BCAR3: variants seen among roughly 807,000 people sequenced by gnomAD.
BCAR3 encodes BCAR3 adaptor protein, NSP family member, also known as breast cancer anti-estrogen resistance protein 3.
In BCAR3, 37 loss-of-function variants were observed where a neutral mutation model predicts 80.1. The ratio of observed to expected loss-of-function variants is 0.46; its 90% CI spans 0.36 to 0.61. BCAR3 has a LOEUF of 0.61. Ranked by LOEUF, BCAR3 falls within the 20% of genes least tolerant of loss-of-function variation. The pLI is 0.00. For missense variants in BCAR3, 978 were observed against 1,068.2 expected (o/e 0.92, Z 1.18); for synonymous variants, 389 against 418.9 (o/e 0.93, Z 0.87).
chr1:93,625,948 T>C (rs912999718), intron 3 of BCAR3, among the ~76,000 whole-genome samples: 2 of 152,236 alleles, frequency 1.3e-5, no homozygotes, highest in Admixed American at 6.5e-5. Flanking sequence ...TACACTTGCA[T>C]ACTCAGGCAG....
At chr1:93,714,202 C>T (rs980777274) in intron 2 of BCAR3, among the ~76,000 whole-genome samples, 6 of 152,148 alleles carry the variant, frequency 3.9e-5, no homozygotes, top group African/African-American at 1.4e-4. Context: ...AGGATGGTCT[C>T]GATCTCCTGA....
intron 1 of BCAR3, 26 bp from the exon 2 acceptor site, chr1:93,674,967 G>A (rs764576221): frequency 7.4e-6 from 11 of 1,491,530 alleles, no homozygotes; most frequent in Admixed American, 7.3e-5. Context: ...AAGAGTGAAG[G>A]TATAAATCTA....
chr1:93,722,117 G>T (rs1279083162), intron 2 of BCAR3, among the ~76,000 whole-genome samples: 1 of 152,200 alleles, frequency 6.6e-6, no homozygotes, highest in African/African-American at 2.4e-5. Context: ...CAGGTCCCAT[G>T]GGGGAGGGGC....
At chr1:93,587,335 C>T (rs908435107) in intron 5 of BCAR3, among the ~76,000 whole-genome samples, 2 of 152,186 alleles carry the variant, frequency 1.3e-5, no homozygotes, top group African/African-American at 2.4e-5. Flanking sequence ...CTGAGTCTGA[C>T]ATTCTACTCT....
At chr1:93,768,261 GTGTGTGTT>G (rs58308212) in intron 2 of BCAR3, among the ~76,000 whole-genome samples, 15,075 of 143,580 alleles carry the variant, frequency 0.1, 943 homozygotes, top group African/African-American at 0.19. Flanking sequence ...GAGTGAATGT[GTGTGTGTT>G]TGTGTGTGTG....
intron 2 of BCAR3, among the ~76,000 whole-genome samples, chr1:93,830,555 C>T (rs1312936557): frequency 6.6e-6 from 1 of 152,014 alleles, no homozygotes; most frequent in Admixed American, 6.6e-5. Context: ...ATCCCCGCCC[C>T]TGCCTCCAAG....
At chr1:93,663,846 TTA>T (rs749546061) in intron 2 of BCAR3, among the ~76,000 whole-genome samples, 1 of 152,234 alleles carries the variant, frequency 6.6e-6, no homozygotes, top group Non-Finnish European at 1.5e-5. Flanking sequence ...ATTCACATCC[TTA>T]AACAGAAGAG....
intron 2 of BCAR3, among the ~76,000 whole-genome samples, chr1:93,710,783 A>AC (rs1229410183): frequency 6.6e-6 from 1 of 152,004 alleles, no homozygotes; most frequent in Admixed American, 6.6e-5. Flanking sequence ...ATAACAAATT[A>AC]CCCCCAAACC....
At chr1:93,801,633 C>T (rs1245583690) in intron 2 of BCAR3, among the ~76,000 whole-genome samples, 1 of 152,168 alleles carries the variant, frequency 6.6e-6, no homozygotes, top group Non-Finnish European at 1.5e-5. Flanking sequence ...AGTTCTCAAG[C>T]TTTTGCTTGG....
rs1192058772 is a variant in BCAR3, at chr1:93,592,803, G to C, written c.358-410C>G. On this transcript the variant is annotated intron_variant, in intron 3 of 11. Coordinates refer to ENST00000260502, the MANE Select transcript of BCAR3 (RefSeq NM_003567.4). This position sits in a 1 kb window ranked among gnomAD's most constrained non-coding sequence, Gnocchi z 4.8. ...TGTTCCCTTCTGGCCTTAGATCCTGGGCCTCTGGGCAGTGAGGCCCAAAGC... is the reference window on the plus strand; with the variant it reads ...TGTTCCCTTCTGGCCTTAGATCCTGCGCCTCTGGGCAGTGAGGCCCAAAGC... Among the ~76,000 whole-genome samples the C allele has an allele frequency of 6.6e-6, 1 of 152,178 alleles. No individual in the cohort carries two copies. Among genetic ancestry groups the C allele is most frequent in the Non-Finnish European group, 1.5e-5 (1 of 68,030 alleles).
Position 93,576,226 on chromosome 1 carries a change from C to T in BCAR3, c.1687-97G>A, listed in dbSNP as rs1271095003. 29 of 749,238 alleles carry T rather than the reference C, an allele frequency of 3.9e-5. No homozygotes were observed. The Admixed American group carries it at 5.1e-4, about 13-fold the overall frequency. The allele number at this position is 749,238 out of a possible 1,614,324, so 46.4% of individuals were successfully genotyped here. On this transcript the variant is annotated intron_variant, in intron 7 of 11. Coordinates refer to ENST00000260502, the MANE Select transcript of BCAR3 (RefSeq NM_003567.4). The stretch of plus-strand genomic sequence containing the variant: ...GAAGAAACACACTGAACTACGATGG[C>T]GTGGACACTTTATGAGTTACATTTC...
intron 11 of BCAR3, among the ~76,000 whole-genome samples, chr1:93,564,886 T>A (rs1672879181): frequency 6.6e-6 from 1 of 152,218 alleles, no homozygotes; most frequent in Admixed American, 6.5e-5. Context: ...AGGCCAAAGA[T>A]GTTCAGGCAA....
At position 93,573,617 on chromosome 1, in the gene BCAR3, T is replaced by TGG. The variant is rs1557838249; in HGVS notation, c.1803-1777_1803-1776insCC. On this transcript the variant is annotated intron_variant, in intron 8 of 11. Transcript: ENST00000260502. ...TAGACCTAAAATATATTTTTATTAT[T>TGG]ATTATTATTATTATTATTTTTTTTT... is the stretch of plus-strand genomic sequence containing the variant. 1.4e-4 allele frequency among the ~76,000 whole-genome samples: 20 copies of TGG among 139,656 alleles called. 1 individual carries two copies. Among genetic ancestry groups the TGG allele is most frequent in the African/African-American group, 5.6e-4 (20 of 35,826 alleles). 91.6% of individuals were successfully genotyped at this position (139,656 alleles called of 152,430 possible). A position where few individuals can be genotyped will look rare whatever the true frequency, so the allele number is the denominator to read the frequency against.
intron 3 of BCAR3, among the ~76,000 whole-genome samples, chr1:93,700,831 C>T (rs781764993): frequency 2.6e-5 from 4 of 152,232 alleles, no homozygotes; most frequent in Admixed American, 6.5e-5. Flanking sequence ...AGGGTTTTGA[C>T]TCAGGCCTTT....
Position 93,758,281 on chromosome 1 carries a change from G to A in BCAR3, c.-62-52139C>T, listed in dbSNP as rs144279878. 1.6e-3 allele frequency among the ~76,000 whole-genome samples: 243 copies of A among 152,334 alleles called. 2 individuals carry two copies. In the South Asian group the frequency reaches 0.026, roughly 16 times the overall value. On this transcript the variant is annotated intron_variant, in intron 2 of 13. Transcript: ENST00000370244. ...CTGGTCTGCACTGCTCTAGGTCAAC[G>A]CCTTGGCCTGATCCATCAGGATACA... is the stretch of plus-strand genomic sequence containing the variant.
At chr1:93,579,880 C>T (rs977681441) in intron 7 of BCAR3, among the ~76,000 whole-genome samples, 2 of 152,248 alleles carry the variant, frequency 1.3e-5, no homozygotes, top group African/African-American at 2.4e-5. Context: ...CTGACTAGAA[C>T]AGAAATCCTC....
chr1:93,836,364 C>A (rs987822085), intron 2 of BCAR3, among the ~76,000 whole-genome samples: 3 of 152,176 alleles, frequency 2.0e-5, no homozygotes, highest in Non-Finnish European at 4.4e-5. Context: ...AATTCTTAGT[C>A]CTTTAATACC....
At chr1:93,748,046 C>A (rs1464875999) in intron 2 of BCAR3, among the ~76,000 whole-genome samples, 1 of 152,212 alleles carries the variant, frequency 6.6e-6, no homozygotes, top group Non-Finnish European at 1.5e-5. Flanking sequence ...AGCCCTGGAT[C>A]TAATGTCCCT....
In BCAR3 at chr1:93,826,890, T is replaced by C. The variant is rs60455239; in HGVS notation, c.-63+18677A>G. ...CAGGGGTTCCTGTTCAGGCTAAGCA[T>C]GTGCATGTGCAAAACCTCCCCAGGG... is the stretch of plus-strand genomic sequence containing the variant. On this transcript the variant is annotated intron_variant, in intron 2 of 13. Transcript: ENST00000370244. Among the ~76,000 whole-genome samples, 392 of 152,148 alleles carry C rather than the reference T, an allele frequency of 2.6e-3. 1 individual carries two copies. The highest frequency in any genetic ancestry group is 8.9e-3 in the African/African-American group (369 of 41,516).
Sources: allele counts gnomAD v4.1 joint callset (sites outside exome capture counted in the v4.1 genomes callset), GRCh38; gene constraint gnomAD v4.1.1; non-coding constraint Gnocchi (gnomAD v3.1); transcripts MANE v1.5; gene names NCBI Gene and HGNC (gene_info 2026-07-23, HGNC 2026-07-21).